DEPTOR: variants seen among roughly 807,000 people sequenced by gnomAD.
The protein encoded by DEPTOR is DEP domain-containing mTOR-interacting protein.
A neutral mutation model predicts 41.6 loss-of-function variants in DEPTOR; 41 were observed. The ratio of observed to expected loss-of-function variants is 0.98; its 90% CI spans 0.77 to 1.28. DEPTOR has a LOEUF of 1.28. Ranked by LOEUF, DEPTOR falls within the 50% of genes most tolerant of loss-of-function variation. The pLI is 0.00. For missense variants in DEPTOR, 514 were observed against 527.9 expected (o/e 0.97, Z 0.26); for synonymous variants, 195 against 192.3 (o/e 1.01, Z -0.12).
intron 1 of DEPTOR, among the ~76,000 whole-genome samples, chr8:119,893,894 C>A (rs1827481593): frequency 6.6e-6 from 1 of 152,196 alleles, no homozygotes; most frequent in Non-Finnish European, 1.5e-5. Flanking sequence ...GAGAAAACTT[C>A]TAGTGGCCAG....
intron 4 of DEPTOR, among the ~76,000 whole-genome samples, chr8:119,973,042 C>T (rs1160801000): frequency 6.6e-6 from 1 of 151,812 alleles, no homozygotes; most frequent in Non-Finnish European, 1.5e-5. Flanking sequence ...CAGGTTCAAG[C>T]AATTCTCCTG....
At chr8:120,026,797 C>T (rs7846263) in intron 8 of DEPTOR, among the ~76,000 whole-genome samples, 123,713 of 152,222 alleles carry the variant, frequency 0.81, 50,342 homozygotes, top group African/African-American at 0.83. Context: ...CTTGGCCCAT[C>T]GGGCACTCAT....
Position 120,015,078 on chromosome 8 carries a change from A to T in DEPTOR, c.1101+5945A>T, listed in dbSNP as rs144817456. On this transcript the variant is annotated intron_variant, in intron 8 of 8. Transcript: ENST00000286234. ...TATGTCTGCCTCTCAAGAAAATCTA[A>T]TTAAGTGACTCAGGCACTCAAAATA... Among the ~76,000 whole-genome samples the T allele has an allele frequency of 3.1e-3, 477 of 152,266 alleles. 16 individuals carry two copies. The highest frequency in any genetic ancestry group is 0.023 in the Admixed American group (359 of 15,286).
intron 4 of DEPTOR, among the ~76,000 whole-genome samples, chr8:119,996,939 A>T (rs1812270251): frequency 6.6e-6 from 1 of 152,284 alleles, no homozygotes; most frequent in African/African-American, 2.4e-5. Context: ...TTATTATAGC[A>T]TTACTGAGTA....
intron 4 of DEPTOR, among the ~76,000 whole-genome samples, chr8:119,981,815 G>A (rs1828770757): frequency 6.6e-6 from 1 of 151,844 alleles, no homozygotes; most frequent in South Asian, 2.1e-4. Flanking sequence ...AGGAGTTTGA[G>A]ACCAGCCTGG....
At chr8:119,999,093 G>A (rs760041867) in intron 4 of DEPTOR, among the ~76,000 whole-genome samples, 6 of 151,846 alleles carry the variant, frequency 4.0e-5, no homozygotes, top group South Asian at 2.1e-4. Flanking sequence ...GAGAAACCCC[G>A]TCTCTACTAA....
intron 8 of DEPTOR, among the ~76,000 whole-genome samples, chr8:120,034,913 C>G (rs988543113): frequency 2.0e-5 from 3 of 152,076 alleles, no homozygotes; most frequent in Non-Finnish European, 4.4e-5. Context: ...GATAATTGGG[C>G]AAAAGATTCT....
intron 1 of DEPTOR, among the ~76,000 whole-genome samples, chr8:119,898,194 C>G (rs1019167971): frequency 6.6e-6 from 1 of 152,162 alleles, no homozygotes; most frequent in African/African-American, 2.4e-5. Flanking sequence ...GTCTCCTAAG[C>G]CAAAAATATT....
At chr8:119,903,303 A>T (rs951653725) in intron 1 of DEPTOR, among the ~76,000 whole-genome samples, 4 of 151,966 alleles carry the variant, frequency 2.6e-5, no homozygotes, top group Non-Finnish European at 5.9e-5. Context: ...TCGCCATGTT[A>T]GCCAGGCTGG....
chr8:120,014,901 A>G (rs1812586271), intron 8 of DEPTOR, among the ~76,000 whole-genome samples: 1 of 73,830 alleles, frequency 1.4e-5, no homozygotes, highest in South Asian at 4.1e-4. Context: ...ACCTTGAATG[A>G]TATAATCTTT....
chr8:119,935,062 T>C (rs1227056048), intron 3 of DEPTOR, among the ~76,000 whole-genome samples: 1 of 152,162 alleles, frequency 6.6e-6, no homozygotes, highest in African/African-American at 2.4e-5. Flanking sequence ...TTCATCTAAG[T>C]ACATTCAGGG....
chr8:119,986,922 A>G (rs567941491), intron 4 of DEPTOR, among the ~76,000 whole-genome samples: 25 of 151,842 alleles, frequency 1.6e-4, no homozygotes, highest in Admixed American at 1.6e-3. Flanking sequence ...TCTAGTTAGC[A>G]ATTCCTCTAA....
chr8:120,006,886 G>A lies in DEPTOR; in HGVS notation c.996+11G>A, dbSNP rs1440382172. 6.2e-7 allele frequency: 1 copy of A among 1,613,940 alleles called. No homozygotes were observed. Among genetic ancestry groups the A allele is most frequent in the South Asian group, 1.1e-5 (1 of 91,074 alleles). On this transcript the variant is annotated intron_variant, in intron 7 of 8. Coordinates refer to ENST00000286234, the MANE Select transcript of DEPTOR (RefSeq NM_022783.4). ...AGGAAGACATTCACGGTAGGCTGATGGTCTGGCCTTTTTCTCCCGTGCTGC... is the reference window on the plus strand; with the variant it reads ...AGGAAGACATTCACGGTAGGCTGATAGTCTGGCCTTTTTCTCCCGTGCTGC...
intron 8 of DEPTOR, among the ~76,000 whole-genome samples, chr8:120,019,616 G>A (rs1022475731): frequency 6.6e-6 from 1 of 152,148 alleles, no homozygotes; most frequent in East Asian, 1.9e-4. Context: ...AGGGATATGT[G>A]TGGTGTCTTC....
rs1282897659 is a variant in DEPTOR, at chr8:119,921,748, GT to G, written c.123-6641del. 2.7e-4 allele frequency among the ~76,000 whole-genome samples: 36 copies of G among 131,144 alleles called. 1 individual carries two copies. Among genetic ancestry groups the G allele is most frequent in the East Asian group, 8.1e-4 (4 of 4,944 alleles). 86.0% of individuals were successfully genotyped at this position (131,144 alleles called of 152,430 possible). On this transcript the variant is annotated intron_variant, in intron 1 of 8. Transcript: ENST00000286234. ...GGTAACTGAAAGGTTCTATTCTGTA[GT>G]TTTTTTTTTTGTTTGTTTGTTTGTT...
At chr8:119,963,977 T>C (rs1171851830) in intron 3 of DEPTOR, among the ~76,000 whole-genome samples, 1 of 152,150 alleles carries the variant, frequency 6.6e-6, no homozygotes, top group Admixed American at 6.6e-5. Flanking sequence ...CAGTGACACC[T>C]GCTTCTTGGT....
At chr8:120,032,023 C>T (rs1812899095) in intron 8 of DEPTOR, among the ~76,000 whole-genome samples, 1 of 152,092 alleles carries the variant, frequency 6.6e-6, no homozygotes, top group African/African-American at 2.4e-5. Flanking sequence ...AGAGTGAGAA[C>T]AACTTGGAAA....
Position 120,001,727 on chromosome 8 carries a change from T to C in DEPTOR, c.790+17T>C, listed in dbSNP as rs1812354473. The C allele has an allele frequency of 1.2e-6, 2 of 1,602,832 alleles. No homozygotes were observed. The highest frequency in any genetic ancestry group is 1.1e-5 in the South Asian group (1 of 89,406). On this transcript the variant is annotated intron_variant, in intron 5 of 8. Transcript: ENST00000286234. ...TTATGTCAGGTATGCCATCCCGGCA[T>C]TTATTGGAGCTCAAGTGTTTGTCTT...
intron 3 of DEPTOR, among the ~76,000 whole-genome samples, chr8:119,964,515 C>CAAAAAAAAAAAAAAAAAAAAAAAA (rs536731714): frequency 8.2e-6 from 1 of 121,692 alleles, no homozygotes; most frequent in African/African-American, 3.3e-5. Context: ...AAGCCCGTCT[C>CAAAAAAAAAAAAAAAAAAAAAAAA]AAAAAAAAAA....
Sources: allele counts gnomAD v4.1 joint callset (sites outside exome capture counted in the v4.1 genomes callset), GRCh38; gene constraint gnomAD v4.1.1; transcripts MANE v1.5; gene names NCBI Gene and HGNC (gene_info 2026-07-23, HGNC 2026-07-21).